Variants in ANXA10 observed in about 807,000 individuals in gnomAD.
ANXA10 encodes annexin 14.
Under a neutral mutation model 53.5 loss-of-function variants are expected in ANXA10, and 49 were observed. The observed-to-expected ratio is 0.92, with a 90% CI of 0.73 to 1.16. The LOEUF (loss-of-function observed/expected upper bound fraction) is 1.16. ANXA10 is among the 50% of genes most tolerant of loss of function. The pLI, the probability that ANXA10 is intolerant of heterozygous loss-of-function variation, is 0.00. For synonymous variants in ANXA10, 131 were observed against 128.9 expected (o/e 1.02, Z -0.11); for missense variants, 393 against 394.4 (o/e 1.00, Z 0.03).
chr4:168,171,100 G>A (rs2093857531), intron 6 of ANXA10, among the ~76,000 whole-genome samples: 1 of 152,108 alleles, frequency 6.6e-6, no homozygotes, highest in Admixed American at 6.6e-5. Flanking sequence ...AGTGAATAAT[G>A]GGATTGTAAA....
Position 168,145,558 on chromosome 4 carries a change from C to A in ANXA10, c.195+5978C>A, listed in dbSNP as rs1560971008. Among the ~76,000 whole-genome samples, 3 of 152,248 alleles carry A rather than the reference C, an allele frequency of 2.0e-5. No individual in the cohort carries two copies. In the South Asian group the frequency reaches 6.2e-4, roughly 32 times the overall value. On this transcript the variant is annotated intron_variant, in intron 3 of 11. Transcript: ENST00000359299. The stretch of plus-strand genomic sequence containing the variant: ...AGCCAGCTCTCTTTCACTGGAATTG[C>A]CTCGGTTGTAAGTTTTGCAAAGTTT...
intron 6 of ANXA10, among the ~76,000 whole-genome samples, chr4:168,169,651 G>A (rs543561104): frequency 6.6e-6 from 1 of 152,260 alleles, no homozygotes; most frequent in South Asian, 2.1e-4. Context: ...GAGGTTAAGT[G>A]GTGTACCTGA....
intron 3 of ANXA10, among the ~76,000 whole-genome samples, chr4:168,155,344 AATATATTATATATTATATAATGTATT>A (rs1465934426): frequency 2.5e-5 from 3 of 120,756 alleles, no homozygotes; most frequent in African/African-American, 9.4e-5. Context: ...CATTATATAT[AATATATTATATATTATATAATGTATT>A]ATATATTATA....
intron 6 of ANXA10, among the ~76,000 whole-genome samples, chr4:168,171,306 T>A (rs1731982655): frequency 6.6e-6 from 1 of 152,184 alleles, no homozygotes; most frequent in Admixed American, 6.5e-5. Flanking sequence ...TTTGGATTTA[T>A]CATTTAACCT....
In ANXA10 at chr4:168,155,546, T is replaced by C. The variant is rs1560783394; in HGVS notation, c.196-6982T>C. On this transcript the variant is annotated intron_variant, in intron 3 of 11. Transcript: ENST00000359299. Reference sequence around the variant, plus strand: ...TTATATAATATATAATTATATATTATAAAATATATAATTATATAATATATA... The same window carrying C: ...TTATATAATATATAATTATATATTACAAAATATATAATTATATAATATATA... Among the ~76,000 whole-genome samples, 4 of 36,550 alleles carry C rather than the reference T, an allele frequency of 1.1e-4. 1 individual carries two copies. The highest frequency in any genetic ancestry group is 1.3e-3 in the East Asian group (2 of 1,492). The allele number at this position is 36,550 out of a possible 152,430, so 24.0% of individuals were successfully genotyped here.
chr4:168,183,068 T>C (rs564255428), intron 10 of ANXA10, among the ~76,000 whole-genome samples: 2 of 151,016 alleles, frequency 1.3e-5, no homozygotes, highest in African/African-American at 2.4e-5. Context: ...TAGAGATAAT[T>C]ATATACATGT....
intron 10 of ANXA10, among the ~76,000 whole-genome samples, chr4:168,184,095 A>G (rs1027796319): frequency 1.3e-5 from 2 of 152,240 alleles, no homozygotes; most frequent in African/African-American, 4.8e-5. Flanking sequence ...TTAAAATGTT[A>G]CTGCTGTCTT....
intron 3 of ANXA10, among the ~76,000 whole-genome samples, chr4:168,156,104 A>ATATATATAATAT (rs1324783231): frequency 3.5e-5 from 1 of 28,436 alleles, no homozygotes; most frequent in Non-Finnish European, 5.6e-5. Flanking sequence ...ATTATATATA[A>ATATATATAATAT]ATATTATATT....
At chr4:168,098,970 G>C (rs1730597258) in intron 1 of ANXA10, among the ~76,000 whole-genome samples, 1 of 152,050 alleles carries the variant, frequency 6.6e-6, no homozygotes, top group Non-Finnish European at 1.5e-5. Flanking sequence ...TAAAGCAACA[G>C]AATGTCTTCA....
At chr4:168,100,323 G>A (rs962678812) in intron 1 of ANXA10, among the ~76,000 whole-genome samples, 7 of 152,038 alleles carry the variant, frequency 4.6e-5, no homozygotes, top group African/African-American at 1.7e-4. Context: ...TCTTTCCTTA[G>A]AGTGGGATAT....
chr4:168,151,807 C>G (rs1178276197), intron 3 of ANXA10, among the ~76,000 whole-genome samples: 1 of 152,220 alleles, frequency 6.6e-6, no homozygotes, highest in East Asian at 1.9e-4. Context: ...ATTCCCATTA[C>G]TATAGCACTT....
At chr4:168,102,629 G>C (rs574617089) in intron 1 of ANXA10, among the ~76,000 whole-genome samples, 3 of 152,036 alleles carry the variant, frequency 2.0e-5, no homozygotes, top group African/African-American at 7.2e-5. Context: ...ACCACAATTT[G>C]TTTATCTGTT....
chr4:168,156,080 T>G (rs28972634), intron 3 of ANXA10, among the ~76,000 whole-genome samples: 20 of 71,202 alleles, frequency 2.8e-4, no homozygotes, highest in African/African-American at 7.0e-4. Flanking sequence ...TTATATATAT[T>G]ATATATAATA....
intron 3 of ANXA10, among the ~76,000 whole-genome samples, chr4:168,140,750 C>A (rs552208839): frequency 6.6e-6 from 1 of 152,084 alleles, no homozygotes; most frequent in Non-Finnish European, 1.5e-5. Flanking sequence ...TCCTGAGTAG[C>A]TGGGATTACA....
intron 1 of ANXA10, among the ~76,000 whole-genome samples, chr4:168,126,201 C>T (rs1731065704): frequency 6.6e-6 from 1 of 151,968 alleles, no homozygotes; most frequent in Non-Finnish European, 1.5e-5. Context: ...TCTGACTGTC[C>T]AAGGTAACTT....
intron 2 of ANXA10, among the ~76,000 whole-genome samples, chr4:168,133,200 AAAG>A (rs558861321): frequency 1.4e-3 from 211 of 152,250 alleles, no homozygotes; most frequent in Middle Eastern, 3.4e-3. Flanking sequence ...CTACGCACAA[AAAG>A]AAGTATTCAA....
chr4:168,157,459 G>A (rs1270151022), intron 3 of ANXA10, among the ~76,000 whole-genome samples: 1 of 151,998 alleles, frequency 6.6e-6, no homozygotes, highest in Non-Finnish European at 1.5e-5. Context: ...GTAGAGACAG[G>A]GTTTCAGCAT....
chr4:168,108,726 T>C (rs1246416606), intron 1 of ANXA10, among the ~76,000 whole-genome samples: 1 of 152,188 alleles, frequency 6.6e-6, no homozygotes, highest in Non-Finnish European at 1.5e-5. Flanking sequence ...AGCCACCCTC[T>C]CACTTAAAAT....
intron 6 of ANXA10, among the ~76,000 whole-genome samples, chr4:168,172,335 A>G (rs72691190): frequency 6.6e-6 from 1 of 152,240 alleles, no homozygotes; most frequent in Non-Finnish European, 1.5e-5. Flanking sequence ...CAAAACAATT[A>G]TCTTTCCAAA....
Sources: allele counts gnomAD v4.1 joint callset (sites outside exome capture counted in the v4.1 genomes callset), GRCh38; gene constraint gnomAD v4.1.1; transcripts MANE v1.5; gene names NCBI Gene and HGNC (gene_info 2026-07-23, HGNC 2026-07-21).